SMYD1: variants seen among roughly 807,000 people sequenced by gnomAD.
SMYD1 encodes SET and MYND domain containing 1.
SMYD1 carries 49 observed loss-of-function variants against 54.0 expected under a neutral mutation model. The ratio of observed to expected loss-of-function variants is 0.91; its 90% CI spans 0.72 to 1.15. The LOEUF (loss-of-function observed/expected upper bound fraction) is 1.15. Ranked by LOEUF, SMYD1 falls within the 50% of genes most tolerant of loss-of-function variation. The pLI is 0.00. For synonymous variants in SMYD1, 269 were observed against 234.2 expected (o/e 1.15, Z -1.36); for missense variants, 653 against 639.6 (o/e 1.02, Z -0.23).
rs74913178 is a variant in SMYD1, at chr2:88,089,883, C to G, written c.529-1129C>G. Among the ~76,000 whole-genome samples the G allele has an allele frequency of 8.9e-3, 1,360 of 152,176 alleles. 62 individuals are homozygous for G. Among genetic ancestry groups the G allele is most frequent in the East Asian group, 0.077 (396 of 5,174 alleles). On this transcript the variant is annotated intron_variant, in intron 3 of 9. Coordinates refer to ENST00000419482, the MANE Select transcript of SMYD1 (RefSeq NM_198274.4). ...CTGGGATTACAGGCGTAAGCCACCA[C>G]GCCTGGCCTAAGCTTTTACTTTTAC...
At chr2:88,108,612 G>A (rs559516908) in intron 9 of SMYD1, 73 bp downstream of exon 9, 74 of 1,432,750 alleles carry the variant, frequency 5.2e-5, no homozygotes, top group Non-Finnish European at 6.7e-5. Context: ...GAGTTCAGGT[G>A]GACTCTGCTT....
At chr2:88,069,258 G>A (rs1673897037) in intron 1 of SMYD1, among the ~76,000 whole-genome samples, 1 of 152,128 alleles carries the variant, frequency 6.6e-6, no homozygotes, top group African/African-American at 2.4e-5. Context: ...CCCTGGGAAA[G>A]GGCACTGCTT....
Position 88,108,364 on chromosome 2 carries a change from C to G in SMYD1, c.1146-7C>G, listed in dbSNP as rs1265819398. ...ATGATGTATAATTATCTGCTATGCT[C>G]CCACAGGAAGCTCTACCACCCCAAC... On this transcript the variant is annotated splice_region_variant and splice_polypyrimidine_tract_variant and intron_variant, in intron 8 of 9. Coordinates refer to ENST00000419482, the MANE Select transcript of SMYD1 (RefSeq NM_198274.4). 2 of 1,572,694 alleles carry G rather than the reference C, an allele frequency of 1.3e-6. No individual in the cohort carries two copies. Among genetic ancestry groups the G allele is most frequent in the Middle Eastern group, 1.7e-4 (1 of 5,882 alleles).
intron 5 of SMYD1, 68 bp downstream of exon 5, chr2:88,093,623 G>T: frequency 6.3e-7 from 1 of 1,576,770 alleles, no homozygotes; most frequent in Non-Finnish European, 8.7e-7. Flanking sequence ...GTTTGCTGGG[G>T]CCACCCATTC....
rs546223583 is a variant in SMYD1 at position 88,090,928 on chromosome 2, T to A, written c.529-84T>A. The A allele has an allele frequency of 1.1e-4, 168 of 1,487,404 alleles. 1 individual carries two copies. In the South Asian group the frequency reaches 2.1e-3, roughly 19 times the overall value. The allele number at this position is 1,487,404 out of a possible 1,614,324, so 92.1% of individuals were successfully genotyped here. A position where few individuals can be genotyped will look rare whatever the true frequency, so the allele number is the denominator to read the frequency against. On this transcript the variant is annotated intron_variant, in intron 3 of 9. Coordinates refer to ENST00000419482, the MANE Select transcript of SMYD1 (RefSeq NM_198274.4). Reference sequence around the variant, plus strand: ...ATCTCCAGGGTGAGACTGGGTCTTCTGTTTTTTAAAACTCCTTTCAACAGC... The same window carrying A: ...ATCTCCAGGGTGAGACTGGGTCTTCAGTTTTTTAAAACTCCTTTCAACAGC...
At chr2:88,087,579 C>T (rs1457272266) in intron 2 of SMYD1, among the ~76,000 whole-genome samples, 1 of 152,170 alleles carries the variant, frequency 6.6e-6, no homozygotes, top group Non-Finnish European at 1.5e-5. Context: ...TGTGCCTCCT[C>T]TGTGACACTT....
At chr2:88,100,406 C>A (rs1416007303) in intron 6 of SMYD1, among the ~76,000 whole-genome samples, 1 of 152,118 alleles carries the variant, frequency 6.6e-6, no homozygotes, top group Non-Finnish European at 1.5e-5. Flanking sequence ...TTAATCTATC[C>A]TACAAGCTTC....
Position 88,106,400 on chromosome 2 carries a change from A to G in SMYD1, c.1057A>G (p.Met353Val), listed in dbSNP as rs1308361890. The change falls in exon 8 of 10, where the codon ATG becomes GTG. Residue 353 changes from methionine to valine, a missense_variant. Physicochemically the swap from Met to Val is conservative, Grantham distance 21. Coordinates refer to ENST00000419482, the MANE Select transcript of SMYD1 (RefSeq NM_198274.4). ...FADTNIYMLR[M>V]LSIVSEVLSY... is the part of the protein sequence containing the mutation. ...TGACACCAACATCTACATGCTGCGG[A>G]TGCTGAGCATTGTTTCGGAGGTCCT... is the stretch of plus-strand genomic sequence containing the variant. 2 of 1,614,168 alleles carry G rather than the reference A, an allele frequency of 1.2e-6. No homozygotes were observed. Among genetic ancestry groups the G allele is most frequent in the East Asian group, 2.2e-5 (1 of 44,880 alleles).
Position 88,084,941 on chromosome 2 carries a change from G to A in SMYD1, c.314+449G>A, listed in dbSNP as rs554332359. ...AATTTTTGTATTTTTTTAGAGATGG[G>A]GTTTTATCATGTTGCCCAGGGTAGC... is the stretch of plus-strand genomic sequence containing the variant. On this transcript the variant is annotated intron_variant, in intron 2 of 9. Coordinates refer to ENST00000419482, the MANE Select transcript of SMYD1 (RefSeq NM_198274.4). 4.1e-4 allele frequency among the ~76,000 whole-genome samples: 62 copies of A among 152,022 alleles called. 2 individuals carry two copies. In the South Asian group the frequency reaches 0.013, roughly 31 times the overall value.
chr2:88,084,268 C>T (rs779612219), intron 1 of SMYD1, 48 bp from the exon 2 acceptor site: 1 of 1,492,738 alleles, frequency 6.7e-7, no homozygotes, highest in South Asian at 1.3e-5. Flanking sequence ...CTGCAGGGTG[C>T]CCTTTCCACT....
At chr2:88,068,957 G>A (rs1673891387) in intron 1 of SMYD1, among the ~76,000 whole-genome samples, 2 of 152,074 alleles carry the variant, frequency 1.3e-5, no homozygotes, top group African/African-American at 4.8e-5. Flanking sequence ...TTGTTCTCCA[G>A]GGCACAGGAC....
intron 1 of SMYD1, among the ~76,000 whole-genome samples, 158 bp downstream of exon 1, chr2:88,068,159 T>A (rs1673872506): frequency 6.6e-6 from 1 of 152,150 alleles, no homozygotes; most frequent in Non-Finnish European, 1.5e-5. Context: ...CTGGCACAAA[T>A]TTTTCTGCAA....
At chr2:88,068,105 G>C (rs896369056) in intron 1 of SMYD1, 104 bp downstream of exon 1, 82 of 1,446,494 alleles carry the variant, frequency 5.7e-5, no homozygotes, top group Non-Finnish European at 7.0e-5. Flanking sequence ...TAAAATTCAT[G>C]TGCTCTTTTT....
intron 1 of SMYD1, among the ~76,000 whole-genome samples, chr2:88,071,685 A>T (rs1350026172): frequency 6.6e-6 from 1 of 152,096 alleles, no homozygotes; most frequent in Non-Finnish European, 1.5e-5. Flanking sequence ...CCATCCTCTT[A>T]GGTGTTGTGG....
At chr2:88,088,297 C>T (rs761270154) in intron 3 of SMYD1, among the ~76,000 whole-genome samples, 7 of 152,230 alleles carry the variant, frequency 4.6e-5, no homozygotes, top group Non-Finnish European at 8.8e-5. Flanking sequence ...GAAACATCTA[C>T]TGCCCCTTCC....
In SMYD1 at chr2:88,078,934, G is replaced by C. The variant is rs145418174; in HGVS notation, c.138-5382G>C. 5.9e-5 allele frequency among the ~76,000 whole-genome samples: 9 copies of C among 152,374 alleles called. No individual in the cohort carries two copies. In the East Asian group the frequency reaches 1.2e-3, roughly 20 times the overall value. ...TGGGTTTCACCAGCTTTTAAAACTTGGCTCTAGGCCCTAGCAAAATTACAG... is the reference window on the plus strand; with the variant it reads ...TGGGTTTCACCAGCTTTTAAAACTTCGCTCTAGGCCCTAGCAAAATTACAG... On this transcript the variant is annotated intron_variant, in intron 1 of 9. Coordinates refer to ENST00000419482, the MANE Select transcript of SMYD1 (RefSeq NM_198274.4).
chr2:88,084,539 G>T (rs766656684), intron 2 of SMYD1, 47 bp downstream of exon 2: 1 of 1,513,958 alleles, frequency 6.6e-7, no homozygotes, highest in East Asian at 2.3e-5. Flanking sequence ...CAAATGTCAG[G>T]CTGGAATGGT....
At chr2:88,073,161 T>C (rs1673986272) in intron 1 of SMYD1, among the ~76,000 whole-genome samples, 1 of 152,222 alleles carries the variant, frequency 6.6e-6, no homozygotes, top group African/African-American at 2.4e-5. Context: ...AACATGTTAT[T>C]TGGTTTTCTG....
rs147818220 is a variant in SMYD1 at position 88,104,246 on chromosome 2, G to A, written c.981+1096G>A. On this transcript the variant is annotated intron_variant, in intron 7 of 9. Transcript: ENST00000419482. ...CTCCCAAAGTGCTGGGATTACAGGC[G>A]TGAGCCACTGCGCCTGGCCTCATTT... Among the ~76,000 whole-genome samples the A allele has an allele frequency of 6.6e-5, 10 of 152,276 alleles. No homozygotes were observed. In the East Asian group the frequency reaches 1.5e-3, roughly 24 times the overall value.
Sources: gnomAD v4.1 joint callset for allele counts (sites outside exome capture counted in the v4.1 genomes callset) on GRCh38, gnomAD v4.1.1 for gene constraint, MANE v1.5 for transcripts, NCBI Gene and HGNC (gene_info 2026-07-23, HGNC 2026-07-21) for gene names.